SLC35E1: variants seen among roughly 807,000 people sequenced by gnomAD.
SLC35E1 encodes solute carrier family 35, member E1.
A neutral mutation model predicts 31.0 loss-of-function variants in SLC35E1; 12 were observed. That is an observed-to-expected ratio of 0.39 (90% confidence interval 0.25 to 0.63). The LOEUF (loss-of-function observed/expected upper bound fraction) is 0.63, where lower values mean the gene tolerates loss of function less well. Among genes scored for constraint, SLC35E1 ranks in the 20% least tolerant of loss-of-function variants. The pLI, the probability that SLC35E1 is intolerant of heterozygous loss-of-function variation, is 0.52. For synonymous variants in SLC35E1, 257 were observed against 264.1 expected (o/e 0.97, Z 0.26); for missense variants, 429 against 572.2 (o/e 0.75, Z 2.55).
chr19:16,567,954 C>T (rs778865532), intron 3 of SLC35E1, 78 bp downstream of exon 3: 321 of 1,462,588 alleles, frequency 2.2e-4, no homozygotes, highest in Non-Finnish European at 2.7e-4. Flanking sequence ...TCTACTCCGC[C>T]TGTTTTCCCA....
rs2085874491 is a variant in SLC35E1, at chr19:16,556,240, G to A, written c.757-843C>T. 3.9e-5 allele frequency among the ~76,000 whole-genome samples: 6 copies of A among 152,088 alleles called. No homozygotes were observed. The South Asian group carries it at 1.2e-3, about 32-fold the overall frequency. On this transcript the variant is annotated intron_variant, in intron 4 of 5. Coordinates refer to ENST00000595753, the MANE Select transcript of SLC35E1 (RefSeq NM_024881.5). ...AAAAACAAACAAAAAAACCAGTTTAGGTTGGGCGTGGTGGCTCATGCCTGT... is the reference window on the plus strand; with the variant it reads ...AAAAACAAACAAAAAAACCAGTTTAAGTTGGGCGTGGTGGCTCATGCCTGT...
intron 4 of SLC35E1, among the ~76,000 whole-genome samples, chr19:16,560,898 A>AAAAAAAAAAAAAAAAAAAAAC (rs2085901962): frequency 6.7e-6 from 1 of 149,784 alleles, no homozygotes; most frequent in Admixed American, 6.7e-5. Flanking sequence ...AAAAAAAAAA[A>AAAAAAAAAAAAAAAAAAAAAC]AAGAGAAAAA....
chr19:16,570,169 T>A (rs1025063955), intron 2 of SLC35E1, among the ~76,000 whole-genome samples: 7 of 152,142 alleles, frequency 4.6e-5, no homozygotes, highest in African/African-American at 1.4e-4. Flanking sequence ...CCAAGCTGGG[T>A]ACAATGTCCC....
At chr19:16,560,207 C>A (rs1002779593) in intron 4 of SLC35E1, among the ~76,000 whole-genome samples, 2 of 152,158 alleles carry the variant, frequency 1.3e-5, no homozygotes, top group Non-Finnish European at 2.9e-5. Context: ...ATTCCATGGG[C>A]GACTTTATGA....
intron 5 of SLC35E1, 21 bp from the exon 6 acceptor site, chr19:16,553,930 T>G: frequency 6.4e-7 from 1 of 1,572,666 alleles, no homozygotes; most frequent in South Asian, 1.2e-5. Flanking sequence ...AAGAGAGCAA[T>G]GAGACAGGAC....
chr19:16,556,545 C>A (rs1230361940), intron 4 of SLC35E1, among the ~76,000 whole-genome samples: 2 of 152,154 alleles, frequency 1.3e-5, no homozygotes, highest in Non-Finnish European at 2.9e-5. Context: ...CTGACCCTGA[C>A]CAGAATGAGG....
At chr19:16,566,760 C>T (rs919481725) in intron 3 of SLC35E1, 103 bp from the exon 4 acceptor site, 71 of 1,431,050 alleles carry the variant, frequency 5.0e-5, no homozygotes, top group Non-Finnish European at 6.5e-5. Flanking sequence ...TTAACCCTGA[C>T]ATCTGAGCTT....
chr19:16,565,613 G>C (rs2085927998), intron 4 of SLC35E1: 1 of 155,222 alleles, frequency 6.4e-6, no homozygotes, highest in Non-Finnish European at 1.4e-5. Context: ...CACATCCTGG[G>C]TTCAAGCAAT....
At position 16,555,068 on chromosome 19, in the gene SLC35E1, A is replaced by G; in HGVS notation, c.1002+84T>C. ...GCTCTGACATACAACCCCAGCCTTG[A>G]GCGCCCGGGAGGCCCTTCCTTTTCT... is the stretch of plus-strand genomic sequence containing the variant. On this transcript the variant is annotated intron_variant, in intron 5 of 5. Coordinates refer to ENST00000595753, the MANE Select transcript of SLC35E1 (RefSeq NM_024881.5). The surrounding 1 kb of genome is among the most constrained non-coding windows in gnomAD (Gnocchi z 4.1). 2 of 1,568,964 alleles carry G rather than the reference A, an allele frequency of 1.3e-6. No individual in the cohort carries two copies. Among genetic ancestry groups the G allele is most frequent in the Admixed American group, 1.8e-5 (1 of 54,834 alleles).
chr19:16,566,073 T>A (rs1055649794), intron 4 of SLC35E1: 7 of 153,094 alleles, frequency 4.6e-5, no homozygotes, highest in African/African-American at 1.7e-4. Context: ...CTCGGGAGGC[T>A]GTGGGAGGAT....
In SLC35E1 at chr19:16,572,113, G is replaced by A; in HGVS notation, c.252C>T (p.Pro84=). 2 of 1,511,918 alleles carry A rather than the reference G, an allele frequency of 1.3e-6. No homozygotes were observed. Among genetic ancestry groups the A allele is most frequent in the East Asian group, 5.5e-5 (2 of 36,208 alleles). The allele number at this position is 1,511,918 out of a possible 1,614,324, so 93.7% of individuals were successfully genotyped here. ...PPLLRAWRVP[P]APPVSGPGPS... ...GTCCGGGGCCCGAGACGGGCGGCGCGGGGGGCACGCGCCAGGCGCGCAGCA... is the reference window on the plus strand; with the variant it reads ...GTCCGGGGCCCGAGACGGGCGGCGCAGGGGGCACGCGCCAGGCGCGCAGCA... Residue 84 remains proline (P), a synonymous_variant, in exon 1 of 6, where the codon CCC becomes CCT. Coordinates refer to ENST00000595753, the MANE Select transcript of SLC35E1 (RefSeq NM_024881.5). This position sits in a 1 kb window ranked among gnomAD's most constrained non-coding sequence, Gnocchi z 4.1.
At chr19:16,554,819 C>CAAAA (rs2085866971) in intron 5 of SLC35E1, among the ~76,000 whole-genome samples, 1 of 98,932 alleles carries the variant, frequency 1.0e-5, no homozygotes, top group East Asian at 2.9e-4. Flanking sequence ...GACTCCATCT[C>CAAAA]GAAAAAAAAA....
intron 2 of SLC35E1, among the ~76,000 whole-genome samples, chr19:16,569,926 A>T (rs2085949624): frequency 6.6e-6 from 1 of 152,184 alleles, no homozygotes; most frequent in Admixed American, 6.5e-5. Flanking sequence ...GGGCAGACCG[A>T]GGGCTGTGGA....
At position 16,553,800 on chromosome 19, in the gene SLC35E1, C is replaced by A. The variant is rs1390957595; in HGVS notation, c.1112G>T (p.Gly371Val). The A allele has an allele frequency of 1.9e-6, 3 of 1,613,900 alleles. No individual in the cohort carries two copies. Among genetic ancestry groups the A allele is most frequent in the Non-Finnish European group, 2.5e-6 (3 of 1,179,942 alleles). ...GTCCCCGTGCTGGGGGAAGAGGAGG[C>A]CGTTGTGGGGCTTCTCCAGTGGGCT... ...HRSPLEKPHN[G>V]LLFPQHGDYQ... The change falls in exon 6 of 6, where the codon GGC becomes GTC. Residue 371 changes from glycine (G) to valine (V), a missense_variant. By Grantham distance (109) the Gly-to-Val change is moderately radical (BLOSUM62 -3). Transcript: ENST00000595753.
In SLC35E1 at chr19:16,552,889, C is replaced by T. The variant is rs2085852841; in HGVS notation, c.*790G>A. On this transcript the variant is annotated 3_prime_UTR_variant, in exon 6 of 6. Coordinates refer to ENST00000595753, the MANE Select transcript of SLC35E1 (RefSeq NM_024881.5). The stretch of plus-strand genomic sequence containing the variant: ...GCTTGAAATACTGAACACGATTTCT[C>T]GAAGATCCTTCTCACCACCCCAAGA... 2 of 152,278 alleles carry T rather than the reference C, an allele frequency of 1.3e-5. No homozygotes were observed. Among genetic ancestry groups the T allele is most frequent in the East Asian group, 1.9e-4 (1 of 5,184 alleles). 9.4% of individuals were successfully genotyped at this position (152,278 alleles called of 1,614,324 possible). A position where few individuals can be genotyped will look rare whatever the true frequency, so the allele number is the denominator to read the frequency against.
intron 4 of SLC35E1, among the ~76,000 whole-genome samples, chr19:16,562,394 C>G (rs779402327): frequency 1.3e-4 from 20 of 152,264 alleles, no homozygotes; most frequent in Non-Finnish European, 2.6e-4. Flanking sequence ...AGTTCAGCTC[C>G]CCTTCAGTAT....
chr19:16,569,857 C>T (rs980559886), intron 2 of SLC35E1, among the ~76,000 whole-genome samples: 1 of 152,122 alleles, frequency 6.6e-6, no homozygotes, highest in Admixed American at 6.6e-5. Flanking sequence ...AAAACAAACA[C>T]TCTTAAGGAG....
chr19:16,572,154 C>T lies in SLC35E1; in HGVS notation c.211G>A (p.Ala71Thr), dbSNP rs1204910983. 1.3e-6 allele frequency: 2 copies of T among 1,516,956 alleles called. No homozygotes were observed. The highest frequency in any genetic ancestry group is 1.8e-6 in the Non-Finnish European group (2 of 1,132,862). 94.0% of individuals were successfully genotyped at this position (1,516,956 alleles called of 1,614,324 possible). A position where few individuals can be genotyped will look rare whatever the true frequency, so the allele number is the denominator to read the frequency against. Reference protein sequence around the residue: ...VSLCHILALCAGLPPLLRAWR... With the variant: ...VSLCHILALCTGLPPLLRAWR... ...GCGCGCAGCAGCGGCGGGAGCCCAG[C>T]GCACAGAGCCAGGATGTGGCACAGC... The change falls in exon 1 of 6, where the codon GCT (alanine) becomes ACT (threonine). Residue 71 changes from alanine (A) to threonine (T), a missense_variant. Physicochemically the swap from Ala to Thr is moderately conservative, Grantham distance 58. Transcript: ENST00000595753. This position sits in a 1 kb window ranked among gnomAD's most constrained non-coding sequence, Gnocchi z 4.1.
At chr19:16,563,527 T>C (rs948863474) in intron 4 of SLC35E1, among the ~76,000 whole-genome samples, 1 of 152,178 alleles carries the variant, frequency 6.6e-6, no homozygotes, top group African/African-American at 2.4e-5. Flanking sequence ...TTTTTTTTTA[T>C]TTTTATGAGA....
Sources: gnomAD v4.1 joint callset for allele counts (sites outside exome capture counted in the v4.1 genomes callset) on GRCh38, gnomAD v4.1.1 for gene constraint, Gnocchi (gnomAD v3.1) non-coding constraint, MANE v1.5 for transcripts, NCBI Gene and HGNC (gene_info 2026-07-23, HGNC 2026-07-21) for gene names.